Variants in LPIN1 observed in about 807,000 individuals in gnomAD.
LPIN1 encodes phosphatidate phosphatase LPIN1.
A neutral mutation model predicts 107.5 loss-of-function variants in LPIN1; 71 were observed. That is an observed-to-expected ratio of 0.66 (90% CI 0.55 to 0.80). The LOEUF is 0.80. Among genes scored for constraint, LPIN1 ranks in the 30% least tolerant of loss-of-function variants. LPIN1 has a pLI of 0.00. For missense variants in LPIN1, 1,043 were observed against 1,160.6 expected (o/e 0.90, Z 1.47); for synonymous variants, 445 against 452.6 (o/e 0.98, Z 0.21).
chr2:11,720,405 A>G (rs1289511626), upstream of LPIN1, among the ~76,000 whole-genome samples: 2 of 152,162 alleles, frequency 1.3e-5, no homozygotes, highest in East Asian at 3.9e-4. Context: ...TCTGCTGGGA[A>G]GTAATTCTAC....
chr2:11,732,909 CTCTG>C (rs1434978185), intron 1 of LPIN1, among the ~76,000 whole-genome samples: 47 of 150,690 alleles, frequency 3.1e-4, no homozygotes, highest in Non-Finnish European at 5.2e-4. Flanking sequence ...CTCTCTCTCT[CTCTG>C]TGTGTGTGTG....
At chr2:11,681,934 T>C (rs957352407) in intron 1 of LPIN1, among the ~76,000 whole-genome samples, 1 of 152,152 alleles carries the variant, frequency 6.6e-6, no homozygotes, top group Admixed American at 6.5e-5. Flanking sequence ...GGTGGCCGGG[T>C]GTGGAGACAA....
chr2:11,739,006 TAC>T (rs1159084518), intron 1 of LPIN1, among the ~76,000 whole-genome samples: 13 of 152,230 alleles, frequency 8.5e-5, no homozygotes, highest in African/African-American at 3.1e-4. Context: ...AAGAGGCGCC[TAC>T]ACCTACCTCC....
In LPIN1 at chr2:11,782,317, G is replaced by A. The variant is rs368925424; in HGVS notation, c.1074G>A (p.Ser358=). The change falls in exon 8 of 21, where the codon TCG becomes TCA. Residue 358 remains serine (S), a synonymous_variant. Coordinates refer to ENST00000674199, the MANE Select transcript of LPIN1 (RefSeq NM_001349206.2). ...CTTCAGACACTTTTAGTGACCAATCGCCAACTCTGGTCGGTGGGGCACTTT... is the reference window on the plus strand; with the variant it reads ...CTTCAGACACTTTTAGTGACCAATCACCAACTCTGGTCGGTGGGGCACTTT... ...SESSDTFSDQ[S]PTLVGGALLD... 64 of 1,614,010 alleles carry A rather than the reference G, an allele frequency of 4.0e-5. No homozygotes were observed. Among genetic ancestry groups the A allele is most frequent in the Non-Finnish European group, 4.7e-5 (56 of 1,180,036 alleles).
chr2:11,766,243 G>A (rs1159405143), intron 2 of LPIN1, among the ~76,000 whole-genome samples: 2 of 152,238 alleles, frequency 1.3e-5, no homozygotes, highest in Admixed American at 6.5e-5. Flanking sequence ...TTATGGCCTA[G>A]CCTTGCAAGC....
chr2:11,787,392 C>CTTTTTTTTTTTTTTTTTTTTTTTTT (rs1219054361), intron 11 of LPIN1, among the ~76,000 whole-genome samples: 6 of 113,690 alleles, frequency 5.3e-5, no homozygotes, highest in African/African-American at 2.3e-4. Context: ...CTTTTCTTTT[C>CTTTTTTTTTTTTTTTTTTTTTTTTT]TTTTTCTTTT....
intron 16 of LPIN1, 105 bp from the exon 17 acceptor site, chr2:11,804,965 T>C (rs1348986149): frequency 5.2e-6 from 4 of 767,044 alleles, no homozygotes; most frequent in South Asian, 1.5e-5. Flanking sequence ...AGAAAGAAAG[T>C]TGTGGGTCTT....
chr2:11,805,096 C>T lies in LPIN1; in HGVS notation c.2189C>T (p.Pro730Leu), dbSNP rs142153186. The T allele has an allele frequency of 1.7e-5, 28 of 1,613,418 alleles. No homozygotes were observed. Among genetic ancestry groups the T allele is most frequent in the Non-Finnish European group, 2.4e-5 (28 of 1,179,690 alleles). The change falls in exon 17 of 21, where the codon CCC becomes CTC. Residue 730 changes from proline (P) to leucine (L), a missense_variant. Transcript: ENST00000674199. ...TCAGATACTCTTGGCCACATTTTGC[C>T]CACCCTTGGGAAGGATTGGACCCAT... ...TRSDTLGHIL[P>L]TLGKDWTHQG...
At chr2:11,819,835 A>G (rs1681219273) in intron 19 of LPIN1, among the ~76,000 whole-genome samples, 1 of 152,190 alleles carries the variant, frequency 6.6e-6, no homozygotes, top group African/African-American at 2.4e-5. Context: ...TGGGACTTAA[A>G]ACTCCAAATT....
At chr2:11,716,871 G>A (rs921351427) in intron 2 of LPIN1, among the ~76,000 whole-genome samples, 1 of 152,174 alleles carries the variant, frequency 6.6e-6, no homozygotes, top group Non-Finnish European at 1.5e-5. Flanking sequence ...TACACCAGAA[G>A]CAACACCATT....
chr2:11,803,000 C>T lies in LPIN1; in HGVS notation c.1980C>T (p.Tyr660=), dbSNP rs1171516363. The change falls in exon 15 of 21, where the codon TAC becomes TAT. Residue 660 remains tyrosine (Y), a synonymous_variant. Coordinates refer to ENST00000674199, the MANE Select transcript of LPIN1 (RefSeq NM_001349206.2). ...TCCCTCTTCTGCCTAATGTCAGCTACAAGAAGACTCTCCGGCTGACTTCCG... is the reference window on the plus strand; with the variant it reads ...TCCCTCTTCTGCCTAATGTCAGCTATAAGAAGACTCTCCGGCTGACTTCCG... ...GHLPLLPNVS[Y]KKTLRLTSEQ... is the part of the protein sequence containing the mutation. 1 of 1,612,888 alleles carries T rather than the reference C, an allele frequency of 6.2e-7. No individual in the cohort carries two copies.
chr2:11,766,991 G>T (rs1671016033), intron 2 of LPIN1, among the ~76,000 whole-genome samples: 1 of 152,098 alleles, frequency 6.6e-6, no homozygotes, highest in African/African-American at 2.4e-5. Context: ...GTCCCAGAGG[G>T]GGTCCGTTCA....
intron 1 of LPIN1, among the ~76,000 whole-genome samples, chr2:11,696,769 T>A (rs866657469): frequency 2.6e-4 from 40 of 152,218 alleles, no homozygotes; most frequent in African/African-American, 9.6e-4. Context: ...GCACCACTGA[T>A]CCCAGCAGTG....
At chr2:11,735,191 C>T (rs1225755466) in intron 1 of LPIN1, among the ~76,000 whole-genome samples, 1 of 151,610 alleles carries the variant, frequency 6.6e-6, no homozygotes, top group East Asian at 1.9e-4. Context: ...ACTTGGGAGG[C>T]TGAGGCAGGA....
intron 17 of LPIN1, among the ~76,000 whole-genome samples, chr2:11,810,332 G>A (rs1406222633): frequency 1.3e-5 from 2 of 152,206 alleles, no homozygotes; most frequent in Non-Finnish European, 2.9e-5. Flanking sequence ...AGTCTCCATG[G>A]AGGAGCAGGG....
At chr2:11,812,184 A>T (rs1445296342) in intron 17 of LPIN1, among the ~76,000 whole-genome samples, 4 of 152,192 alleles carry the variant, frequency 2.6e-5, no homozygotes, top group Non-Finnish European at 5.9e-5. Flanking sequence ...AATATGTTGG[A>T]TAGGAAGTGG....
At chr2:11,722,670 A>G (rs188267631), upstream of LPIN1, among the ~76,000 whole-genome samples, 1 of 152,244 alleles carries the variant, frequency 6.6e-6, no homozygotes, top group Non-Finnish European at 1.5e-5. Context: ...CTTGTAGCCC[A>G]TTGAACATGC....
At chr2:11,795,152 A>G (rs1031067857) in intron 13 of LPIN1, among the ~76,000 whole-genome samples, 2 of 152,192 alleles carry the variant, frequency 1.3e-5, no homozygotes, top group African/African-American at 4.8e-5. Context: ...TGGTGCCACA[A>G]ACACTTATGG....
intron 1 of LPIN1, among the ~76,000 whole-genome samples, chr2:11,740,180 G>A (rs73183121): frequency 0.036 from 5,478 of 152,180 alleles, 329 homozygotes; most frequent in African/African-American, 0.12. Flanking sequence ...TTCAGAAAAG[G>A]GAGTGAATTT....
Sources: gnomAD v4.1 joint callset for allele counts (sites outside exome capture counted in the v4.1 genomes callset) on GRCh38, gnomAD v4.1.1 for gene constraint, MANE v1.5 for transcripts, NCBI Gene and HGNC (gene_info 2026-07-23, HGNC 2026-07-21) for gene names.